SEPTIN2: variants seen among roughly 807,000 people sequenced by gnomAD.
SEPTIN2 encodes the protein septin-2.
A neutral mutation model predicts 46.5 loss-of-function variants in SEPTIN2; 34 were observed. That is an observed-to-expected ratio of 0.73 (90% CI 0.56 to 0.97). SEPTIN2 has a LOEUF of 0.97. SEPTIN2 is among the 50% of genes least tolerant of loss of function. The probability of loss-of-function intolerance (pLI) is 0.00; values close to 1 mark genes in which losing one functional copy is unlikely to be tolerated. For synonymous variants in SEPTIN2, 175 were observed against 153.4 expected (o/e 1.14, Z -1.04); for missense variants, 347 against 448.4 (o/e 0.77, Z 2.04).
chr2:241,320,749 A>C (rs2077002349), intron 1 of SEPTIN2, among the ~76,000 whole-genome samples: 1 of 152,204 alleles, frequency 6.6e-6, no homozygotes, highest in South Asian at 2.1e-4. Flanking sequence ...AGATCGCGCC[A>C]GTGCACTCCA....
At chr2:241,338,806 T>TTATATTTATATTATTTATATATAATA (rs2080660169) in intron 7 of SEPTIN2, among the ~76,000 whole-genome samples, 3 of 104,622 alleles carry the variant, frequency 2.9e-5, no homozygotes, top group Non-Finnish European at 5.0e-5. Context: ...ATAATACATA[T>TTATATTTATATTATTTATATATAATA]TATATTTATA....
At chr2:241,322,467 C>G (rs2149852291) in intron 1 of SEPTIN2, among the ~76,000 whole-genome samples, 1 of 151,942 alleles carries the variant, frequency 6.6e-6, no homozygotes, top group African/African-American at 2.4e-5. Flanking sequence ...ATTAGCCGGG[C>G]ATGGTGGCGG....
In SEPTIN2 at chr2:241,353,551, G is replaced by A. The variant is rs147260409; in HGVS notation, c.*1614G>A. ...AAGGTGTGCTACAGAAAATAATCTG[G>A]TGTTCTTGCTAACTTTGCCCTTCAC... On this transcript the variant is annotated 3_prime_UTR_variant, in exon 13 of 13. Coordinates refer to ENST00000391971, the MANE Select transcript of SEPTIN2 (RefSeq NM_004404.5). 4.0e-4 allele frequency: 61 copies of A among 152,266 alleles called. No individual in the cohort carries two copies. The highest frequency in any genetic ancestry group is 1.3e-3 in the African/African-American group (54 of 41,548). The allele number at this position is 152,266 out of a possible 1,614,324, so 9.4% of individuals were successfully genotyped here. A position where few individuals can be genotyped will look rare whatever the true frequency, so the allele number is the denominator to read the frequency against.
chr2:241,335,849 CA>C, intron 4 of SEPTIN2, 125 bp from the exon 5 acceptor site: 1 of 1,192,708 alleles, frequency 8.4e-7, no homozygotes, highest in Non-Finnish European at 1.2e-6. Flanking sequence ...TCTTAATCCC[CA>C]TGGTATCTTT....
intron 7 of SEPTIN2, among the ~76,000 whole-genome samples, chr2:241,338,936 T>TAATTGTACA (rs2080805580): frequency 1.0e-5 from 1 of 96,410 alleles, no homozygotes; most frequent in African/African-American, 4.2e-5. Flanking sequence ...CATATATTTA[T>TAATTGTACA]TATATATATT....
chr2:241,344,107 C>T (rs533140193), intron 9 of SEPTIN2, among the ~76,000 whole-genome samples: 7 of 152,280 alleles, frequency 4.6e-5, no homozygotes, highest in South Asian at 4.1e-4. Flanking sequence ...ACTAAACTAG[C>T]GCTTCTGCCT....
intron 10 of SEPTIN2, 127 bp downstream of exon 10, chr2:241,346,376 A>C: frequency 1.7e-6 from 1 of 590,748 alleles, no homozygotes; most frequent in South Asian, 2.8e-5. Flanking sequence ...CTCAAAAGTT[A>C]TTATAAAAGA....
At chr2:241,344,008 G>T (rs141996970) in intron 9 of SEPTIN2, 111 bp downstream of exon 9, 3 of 1,291,858 alleles carry the variant, frequency 2.3e-6, no homozygotes, top group Middle Eastern at 1.9e-4. Flanking sequence ...CTTCATTGCC[G>T]CCCTCAGTGT....
At chr2:241,340,187 GT>G (rs1357441384) in intron 7 of SEPTIN2, among the ~76,000 whole-genome samples, 1 of 152,146 alleles carries the variant, frequency 6.6e-6, no homozygotes, top group Non-Finnish European at 1.5e-5. Context: ...TTTTTGTAAT[GT>G]GTTTCCTGTC....
intron 1 of SEPTIN2, among the ~76,000 whole-genome samples, chr2:241,318,706 T>TC (rs971628085): frequency 6.0e-5 from 9 of 150,484 alleles, no homozygotes; most frequent in Admixed American, 5.3e-4. Context: ...TATTTTCTTT[T>TC]TTTTTTTTTT....
intron 11 of SEPTIN2, among the ~76,000 whole-genome samples, chr2:241,349,440 G>C (rs1299518745): frequency 6.6e-6 from 1 of 151,212 alleles, no homozygotes. Flanking sequence ...GGCCTTCATT[G>C]CCCTCCAGAA....
At chr2:241,340,359 C>CA (rs575701870) in intron 7 of SEPTIN2, among the ~76,000 whole-genome samples, 22 of 152,266 alleles carry the variant, frequency 1.4e-4, no homozygotes, top group Admixed American at 9.2e-4. Flanking sequence ...TGTTGACTAT[C>CA]ACGTTGCAGA....
chr2:241,349,722 G>C (rs2060614258), intron 11 of SEPTIN2, among the ~76,000 whole-genome samples: 1 of 152,130 alleles, frequency 6.6e-6, no homozygotes, highest in Non-Finnish European at 1.5e-5. Flanking sequence ...TCAGGAGGCT[G>C]AGGCAGGAGA....
intron 1 of SEPTIN2, among the ~76,000 whole-genome samples, chr2:241,320,613 A>AC (rs751677877): frequency 1.3e-5 from 2 of 152,052 alleles, no homozygotes; most frequent in Non-Finnish European, 2.9e-5. Flanking sequence ...GCATGGTGAG[A>AC]CCCCATCTCT....
chr2:241,321,407 A>G (rs1365249750), intron 1 of SEPTIN2, among the ~76,000 whole-genome samples: 1 of 151,920 alleles, frequency 6.6e-6, no homozygotes, highest in African/African-American at 2.4e-5. Context: ...TATCCCTGTT[A>G]TTCTGCTTAT....
chr2:241,335,143 A>C lies in SEPTIN2; in HGVS notation c.148A>C (p.Lys50Gln), dbSNP rs1318806582. ...ATTTAAAGGTGAATCAGGTCTAGGA[A>C]AATCGACTCTCATAAACAGCCTATT... ...LMVVGESGLG[K>Q]STLINSLFLT... The change falls in exon 4 of 13, where the codon AAA becomes CAA. Residue 50 changes from lysine to glutamine, a missense_variant. Physicochemically the swap from Lys to Gln is moderately conservative, Grantham distance 53. Transcript: ENST00000391971. The C allele has an allele frequency of 6.2e-7, 1 of 1,613,354 alleles. No individual in the cohort carries two copies. Among genetic ancestry groups the C allele is most frequent in the Non-Finnish European group, 8.5e-7 (1 of 1,179,522 alleles).
intron 5 of SEPTIN2, chr2:241,336,461 C>T (rs1234913614): frequency 2.0e-5 from 4 of 204,326 alleles, no homozygotes; most frequent in Non-Finnish European, 4.0e-5. Flanking sequence ...TAAATGACTG[C>T]TCATTGGCAT....
intron 5 of SEPTIN2, chr2:241,336,463 C>T (rs987674907): frequency 5.5e-5 from 11 of 200,188 alleles, no homozygotes; most frequent in Non-Finnish European, 1.0e-4. Flanking sequence ...AATGACTGCT[C>T]ATTGGCATCA....
At chr2:241,334,898 G>C (rs961158454) in intron 3 of SEPTIN2, among the ~76,000 whole-genome samples, 2 of 152,142 alleles carry the variant, frequency 1.3e-5, no homozygotes, top group Non-Finnish European at 2.9e-5. Flanking sequence ...CATAGACCTG[G>C]ATTCAAATCT....
Sources: allele counts gnomAD v4.1 joint callset (sites outside exome capture counted in the v4.1 genomes callset), GRCh38; gene constraint gnomAD v4.1.1; transcripts MANE v1.5; gene names NCBI Gene and HGNC (gene_info 2026-07-23, HGNC 2026-07-21).